SDK1: variants seen among roughly 807,000 people sequenced by gnomAD.
The protein encoded by SDK1 is protein sidekick-1.
In SDK1, 157 loss-of-function variants were observed where a neutral mutation model predicts 245.5. The ratio of observed to expected loss-of-function variants is 0.64; its 90% CI spans 0.56 to 0.73. The LOEUF (loss-of-function observed/expected upper bound fraction) is 0.73. SDK1 is among the 30% of genes least tolerant of loss of function. SDK1 has a pLI of 0.00. For synonymous variants in SDK1, 1,647 were observed against 1,278.5 expected, an observed-to-expected ratio of 1.29 and a Z score of -6.15; for missense variants, 3,583 against 3,002.3, an observed-to-expected ratio of 1.19 and a Z score of -4.52.
chr7:3,864,667 G>A (rs570675749), intron 5 of SDK1, among the ~76,000 whole-genome samples: 2 of 152,142 alleles, frequency 1.3e-5, no homozygotes, highest in Non-Finnish European at 2.9e-5. Context: ...CCCTGGGGAT[G>A]TGAGGGGCAG....
intron 5 of SDK1, among the ~76,000 whole-genome samples, chr7:3,845,463 C>G (rs1020802966): frequency 1.5e-5 from 2 of 129,636 alleles, no homozygotes; most frequent in African/African-American, 6.2e-5. Flanking sequence ...GCACTCCAGC[C>G]TGGTGACAGA....
chr7:3,630,711 T>G (rs1354671019), intron 2 of SDK1, among the ~76,000 whole-genome samples: 3 of 152,280 alleles, frequency 2.0e-5, no homozygotes, highest in East Asian at 3.9e-4. Context: ...GTAAGGTCTT[T>G]ACACTGAAAA....
chr7:3,618,426 A>G lies in SDK1; in HGVS notation c.299-654A>G, dbSNP rs749484317. 1.1e-4 allele frequency among the ~76,000 whole-genome samples: 17 copies of G among 152,116 alleles called. 1 individual carries two copies. The highest frequency in any genetic ancestry group is 4.1e-4 in the South Asian group (2 of 4,828). On this transcript the variant is annotated intron_variant, in intron 1 of 44. Transcript: ENST00000404826. ...GCACATGCTATAAGCTTTTTTGAAA[A>G]TTCTGTCTGGCTTCTTTCACTCGGC...
At chr7:3,943,064 G>C (rs139132001) in intron 5 of SDK1, among the ~76,000 whole-genome samples, 1 of 152,214 alleles carries the variant, frequency 6.6e-6, no homozygotes, top group Non-Finnish European at 1.5e-5. Context: ...AGGCGTATTC[G>C]CCAGGAGCAC....
At chr7:4,140,856 C>T (rs1300746711) in intron 28 of SDK1, among the ~76,000 whole-genome samples, 1 of 152,188 alleles carries the variant, frequency 6.6e-6, no homozygotes, top group Non-Finnish European at 1.5e-5. Flanking sequence ...AATCCCAGCA[C>T]TTTGAGAGGC....
intron 1 of SDK1, among the ~76,000 whole-genome samples, chr7:3,393,026 A>G (rs1275124815): frequency 7.4e-6 from 1 of 134,760 alleles, no homozygotes; most frequent in Admixed American, 8.6e-5. Flanking sequence ...GCTGTAGTAC[A>G]GTGGCGTGAT....
intron 44 of SDK1, among the ~76,000 whole-genome samples, chr7:4,251,751 G>A (rs1562482711): frequency 6.6e-6 from 1 of 152,206 alleles, no homozygotes; most frequent in Admixed American, 6.5e-5. Context: ...GCCAACCAAG[G>A]GTAATCTTTG....
At chr7:3,717,934 A>T (rs904125867) in intron 4 of SDK1, among the ~76,000 whole-genome samples, 63 of 151,688 alleles carry the variant, frequency 4.2e-4, no homozygotes, top group African/African-American at 1.5e-3. Flanking sequence ...TTATTCTGAT[A>T]CCTGGAACAG....
rs375367373 is a variant in SDK1, at chr7:3,723,924, G to GTATATA, written c.713+81834_713+81839dup. Among the ~76,000 whole-genome samples the GTATATA allele has an allele frequency of 1.0e-3, 68 of 65,288 alleles. 1 individual carries two copies. Among genetic ancestry groups the GTATATA allele is most frequent in the Middle Eastern group, 0.011 (1 of 88 alleles). The allele number at this position is 65,288 out of a possible 152,430, so 42.8% of individuals were successfully genotyped here. A position where few individuals can be genotyped will look rare whatever the true frequency, so the allele number is the denominator to read the frequency against. ...TATACACGTACATATATATATACAC[G>GTATATA]TATATATATATATATATATAGAGAG... On this transcript the variant is annotated intron_variant, in intron 4 of 44. Coordinates refer to ENST00000404826, the MANE Select transcript of SDK1 (RefSeq NM_152744.4).
chr7:3,827,149 G>T (rs1342288297), intron 5 of SDK1, among the ~76,000 whole-genome samples: 1 of 151,116 alleles, frequency 6.6e-6, no homozygotes, highest in African/African-American at 2.4e-5. Flanking sequence ...ATGATCATTT[G>T]CCCTCAAAGT....
intron 17 of SDK1, among the ~76,000 whole-genome samples, chr7:4,024,705 T>A (rs1352733468): frequency 2.6e-5 from 4 of 152,186 alleles, no homozygotes; most frequent in Non-Finnish European, 5.9e-5. Context: ...CTCAGTGAGG[T>A]AACTCACTTT....
intron 4 of SDK1, among the ~76,000 whole-genome samples, chr7:3,792,722 G>A (rs1345642645): frequency 3.4e-5 from 5 of 148,180 alleles, no homozygotes; most frequent in Non-Finnish European, 7.4e-5. Flanking sequence ...CCATCCATCC[G>A]TCTGTCCATC....
At chr7:3,537,546 A>G (rs1318719154) in intron 1 of SDK1, among the ~76,000 whole-genome samples, 1 of 152,204 alleles carries the variant, frequency 6.6e-6, no homozygotes, top group African/African-American at 2.4e-5. Context: ...TTGTGGCACC[A>G]TGACTCTTTG....
intron 1 of SDK1, among the ~76,000 whole-genome samples, chr7:3,568,998 T>C (rs1002035616): frequency 2.3e-5 from 3 of 130,832 alleles, no homozygotes; most frequent in Non-Finnish European, 4.7e-5. Flanking sequence ...ATATTTAGTG[T>C]GGCATATGTT....
chr7:3,732,830 C>A (rs530165478), intron 4 of SDK1, among the ~76,000 whole-genome samples: 3 of 152,276 alleles, frequency 2.0e-5, no homozygotes, highest in East Asian at 3.9e-4. Context: ...CCTTGAGATG[C>A]AGGTGTGGTG....
At chr7:3,339,436 A>G (rs572801305) in intron 1 of SDK1, among the ~76,000 whole-genome samples, 293 of 152,332 alleles carry the variant, frequency 1.9e-3, no homozygotes, top group Non-Finnish European at 3.5e-3. Flanking sequence ...ACAATTGACC[A>G]ACAGAATCTG....
rs1294235772 is a variant in SDK1, at chr7:3,821,394, C to G, written c.714-56C>G. Reference sequence around the variant, plus strand: ...AGTTGGCCTAATTAATTTTGTCTTACAAGTAGGAAGTTCCCTGGAGTAGCT... The same window carrying G: ...AGTTGGCCTAATTAATTTTGTCTTAGAAGTAGGAAGTTCCCTGGAGTAGCT... On this transcript the variant is annotated intron_variant, in intron 4 of 44. Transcript: ENST00000404826. 23 of 1,562,964 alleles carry G rather than the reference C, an allele frequency of 1.5e-5. No homozygotes were observed. In the Admixed American group the frequency reaches 2.1e-4, roughly 15 times the overall value.
intron 1 of SDK1, among the ~76,000 whole-genome samples, chr7:3,366,994 C>T (rs1781110504): frequency 6.6e-6 from 1 of 152,098 alleles, no homozygotes; most frequent in Non-Finnish European, 1.5e-5. Context: ...CCTGCCTCAG[C>T]CTCCCAAAGT....
chr7:3,369,041 C>T (rs1040674225), intron 1 of SDK1, among the ~76,000 whole-genome samples: 21 of 151,706 alleles, frequency 1.4e-4, no homozygotes, highest in Middle Eastern at 6.8e-3. Flanking sequence ...CTTTCCTTTT[C>T]TTTTTTCTTT....
Sources: gnomAD v4.1 joint callset for allele counts (sites outside exome capture counted in the v4.1 genomes callset) on GRCh38, gnomAD v4.1.1 for gene constraint, MANE v1.5 for transcripts, NCBI Gene and HGNC (gene_info 2026-07-23, HGNC 2026-07-21) for gene names.